Variants in POLQ observed in about 807,000 individuals in gnomAD.
POLQ encodes the protein DNA polymerase theta.
A neutral mutation model predicts 259.2 loss-of-function variants in POLQ; 233 were observed. That is an observed-to-expected ratio of 0.90 (90% confidence interval 0.81 to 1.00). The LOEUF is 1.00. POLQ is among the 50% of genes least tolerant of loss of function. The probability of loss-of-function intolerance (pLI) is 0.00; values close to 1 mark genes in which losing one functional copy is unlikely to be tolerated. For synonymous variants in POLQ, 1,025 were observed against 1,048.8 expected (o/e 0.98, Z 0.44); for missense variants, 2,871 against 3,051.6 (o/e 0.94, Z 1.39).
intron 14 of POLQ, among the ~76,000 whole-genome samples, chr3:121,495,565 C>T (rs181451429): frequency 6.6e-6 from 1 of 151,964 alleles, no homozygotes; most frequent in African/African-American, 2.4e-5. Flanking sequence ...CCCTCCCGGC[C>T]GGGCGCGGGT....
intron 24 of POLQ, among the ~76,000 whole-genome samples, chr3:121,460,612 G>T (rs905736530): frequency 6.6e-6 from 1 of 152,136 alleles, no homozygotes; most frequent in East Asian, 1.9e-4. Context: ...CTACAGAAAA[G>T]CTTGCACAGT....
chr3:121,436,152 G>A lies in POLQ; in HGVS notation c.7513C>T (p.Arg2505Ter), dbSNP rs147692745. 54 of 1,613,666 alleles carry A rather than the reference G, an allele frequency of 3.3e-5. No individual in the cohort carries two copies. Among genetic ancestry groups the A allele is most frequent in the Middle Eastern group, 1.6e-4 (1 of 6,082 alleles). ...TGGTCACTTTGGAGCATACCCTCTC[G>A]ATGACCATGGGATTTGAAGGTTGAG... Reference protein sequence around the residue: ...FHSTFKSHGHREGMLQSDQTG... With the variant: ...FHSTFKSHGH Residue 2505 changes from arginine (R) to a stop codon, truncating the protein, a stop_gained, in exon 28 of 30, where the codon CGA becomes TGA. Transcript: ENST00000264233. LOFTEE classifies it high-confidence loss of function.
At chr3:121,448,971 A>G (rs1252398449) in intron 26 of POLQ, among the ~76,000 whole-genome samples, 1 of 152,222 alleles carries the variant, frequency 6.6e-6, no homozygotes, top group East Asian at 1.9e-4. Flanking sequence ...TTAATTAGCA[A>G]TTATCAGAGT....
intron 20 of POLQ, among the ~76,000 whole-genome samples, chr3:121,475,061 G>A (rs2047915246): frequency 6.6e-6 from 1 of 151,972 alleles, no homozygotes; most frequent in Non-Finnish European, 1.5e-5. Context: ...TATATAATAC[G>A]TTACTATTGA....
intron 15 of POLQ, among the ~76,000 whole-genome samples, chr3:121,492,888 T>C (rs571085779): frequency 6.0e-5 from 9 of 150,198 alleles, no homozygotes; most frequent in African/African-American, 2.2e-4. Flanking sequence ...GCTCAAACAA[T>C]CAGCCTCAGC....
chr3:121,440,063 C>G lies in POLQ; in HGVS notation c.7318G>C (p.Val2440Leu), dbSNP rs138273543. 6.8e-6 allele frequency: 11 copies of G among 1,610,386 alleles called. No homozygotes were observed. In the African/African-American group the frequency reaches 1.5e-4, roughly 22 times the overall value. ...CTACGCCTTCCCAAAATGGTCTGAA[C>G]AAATCCGTCTCTTTTACAATTCTTC... is the stretch of plus-strand genomic sequence containing the variant. ...TVKNCKRDGF[V>L]QTILGRRRYL... The change falls in exon 27 of 30, where the codon GTT becomes CTT. Residue 2440 changes from valine (V) to leucine (L), a missense_variant. Val to Leu is a conservative substitution (Grantham distance 32, BLOSUM62 1). Transcript: ENST00000264233.
At position 121,510,191 on chromosome 3, in the gene POLQ, G is replaced by C. The variant is rs2048242972; in HGVS notation, c.1664C>G (p.Ala555Gly). ...STSQDMHTYA[A>G]CTFLAASMKE... Reference sequence around the variant, plus strand: ...CATACTTGCAGCCAAAAATGTGCAGGCAGCATAAGTATGCATATCTTGTGA... The same window carrying C: ...CATACTTGCAGCCAAAAATGTGCAGCCAGCATAAGTATGCATATCTTGTGA... Residue 555 changes from alanine to glycine, a missense_variant, in exon 11 of 30, where the codon GCC (alanine) becomes GGC (glycine). Physicochemically the swap from Ala to Gly is moderately conservative, Grantham distance 60. Coordinates refer to ENST00000264233, the MANE Select transcript of POLQ (RefSeq NM_199420.4). 1 of 1,613,590 alleles carries C rather than the reference G, an allele frequency of 6.2e-7. No homozygotes were observed. Among genetic ancestry groups the C allele is most frequent in the Non-Finnish European group, 8.5e-7 (1 of 1,179,510 alleles).
chr3:121,432,209 T>G lies in POLQ; in HGVS notation c.*95A>C. 1.7e-6 allele frequency: 2 copies of G among 1,143,008 alleles called. No individual in the cohort carries two copies. Among genetic ancestry groups the G allele is most frequent in the South Asian group, 3.7e-5 (2 of 54,114 alleles). 70.8% of individuals were successfully genotyped at this position (1,143,008 alleles called of 1,614,324 possible). A position where few individuals can be genotyped will look rare whatever the true frequency, so the allele number is the denominator to read the frequency against. On this transcript the variant is annotated 3_prime_UTR_variant, in exon 30 of 30. Transcript: ENST00000264233. ...GCTAAGTCTATCAAGACTTGAAAGT[T>G]TGTTTTGCTGAGGTAGGTGAAAGGG...
At chr3:121,526,871 C>CTCTA (rs144360614) in intron 7 of POLQ, among the ~76,000 whole-genome samples, 1 of 145,232 alleles carries the variant, frequency 6.9e-6, no homozygotes, top group African/African-American at 2.7e-5. Flanking sequence ...GTGTGTGTCT[C>CTCTA]TGTATGTGTG....
At chr3:121,451,916 G>C (rs1047397091) in intron 25 of POLQ, among the ~76,000 whole-genome samples, 1 of 152,218 alleles carries the variant, frequency 6.6e-6, no homozygotes, top group African/African-American at 2.4e-5. Context: ...AGGCGTCCTT[G>C]AGCTGTGGTG....
At chr3:121,473,261 A>G in intron 21 of POLQ, 89 bp downstream of exon 21, 1 of 1,131,978 alleles carries the variant, frequency 8.8e-7, no homozygotes, top group Non-Finnish European at 1.2e-6. Context: ...GTAGGCTAAG[A>G]TGTTGATTTC....
intron 14 of POLQ, 31 bp downstream of exon 14, chr3:121,496,777 A>C (rs376954119): frequency 6.3e-7 from 1 of 1,586,506 alleles, no homozygotes; most frequent in Non-Finnish European, 8.5e-7. Context: ...TCACAGTATT[A>C]AATAAATGTG....
chr3:121,522,048 CAG>C lies in POLQ; in HGVS notation c.1208_1209del (p.Ser403CysfsTer20). ...QLRRLPSGLD[S>X]VLQKTVPWGV... ...CCCCATGGTACAGTTTTCTGTAATA[CAG>C]AGTCCAGTCCTGAAGGCAAACGTCT... On this transcript the variant is annotated frameshift_variant, in exon 8 of 30. Coordinates refer to ENST00000264233, the MANE Select transcript of POLQ (RefSeq NM_199420.4). LOFTEE classifies it high-confidence loss of function. 1 of 1,604,880 alleles carries C rather than the reference CAG, an allele frequency of 6.2e-7. No homozygotes were observed. The highest frequency in any genetic ancestry group is 8.5e-7 in the Non-Finnish European group (1 of 1,175,574).
intron 24 of POLQ, among the ~76,000 whole-genome samples, chr3:121,465,084 TTTTTTC>T (rs1329520673): frequency 6.6e-6 from 1 of 150,558 alleles, no homozygotes; most frequent in Admixed American, 6.6e-5. Flanking sequence ...GTTTTTTTTC[TTTTTTC>T]TTTTTTTTTT....
At chr3:121,501,554 G>C (rs2048168155) in intron 12 of POLQ, among the ~76,000 whole-genome samples, 2 of 150,076 alleles carry the variant, frequency 1.3e-5, no homozygotes, top group African/African-American at 4.9e-5. Flanking sequence ...AGCTACTTGG[G>C]AGGCTGAGGC....
intron 28 of POLQ, 68 bp from the exon 29 acceptor site, chr3:121,433,101 T>G (rs1048345342): frequency 1.6e-5 from 13 of 837,784 alleles, no homozygotes; most frequent in African/African-American, 6.7e-5. Flanking sequence ...TTTTTAGAGA[T>G]TCTGAGTAAC....
In POLQ at chr3:121,488,458, A is replaced by G. The variant is rs774336749; in HGVS notation, c.4473T>C (p.Phe1491=). Residue 1491 remains phenylalanine, a synonymous_variant, in exon 16 of 30, where the codon TTT becomes TTC. Transcript: ENST00000264233. ...TSLNMSDSLL[F]DSFSDDYLVK... ...CTAGATAGTCATCACTGAAGCTATC[A>G]AATAGTAAACTATCACTCATATTCA... 88 of 1,610,244 alleles carry G rather than the reference A, an allele frequency of 5.5e-5. 1 individual carries two copies. The South Asian group carries it at 9.0e-4, about 16-fold the overall frequency.
chr3:121,476,491 T>A, intron 20 of POLQ, 49 bp downstream of exon 20: 3 of 1,334,856 alleles, frequency 2.2e-6, no homozygotes, highest in Non-Finnish European at 3.1e-6. Context: ...CACACAATCA[T>A]TTTAACTCTA....
chr3:121,524,798 T>C (rs1156590400), intron 7 of POLQ, among the ~76,000 whole-genome samples: 1 of 152,182 alleles, frequency 6.6e-6, no homozygotes, highest in East Asian at 1.9e-4. Context: ...GATTATATTA[T>C]GGTTAAACAG....
Sources: gnomAD v4.1 joint callset for allele counts (sites outside exome capture counted in the v4.1 genomes callset) on GRCh38, gnomAD v4.1.1 for gene constraint, MANE v1.5 for transcripts, NCBI Gene and HGNC (gene_info 2026-07-23, HGNC 2026-07-21) for gene names.